The following CASS4 variants were observed in gnomAD, a reference collection of about 807,000 sequenced individuals.
CASS4 encodes cas scaffolding protein family member 4.
A neutral mutation model predicts 54.2 loss-of-function variants in CASS4; 22 were observed. The ratio of observed to expected loss-of-function variants is 0.41; its 90% confidence interval spans 0.29 to 0.58. The LOEUF (loss-of-function observed/expected upper bound fraction) is 0.58. Ranked by LOEUF, CASS4 falls within the 20% of genes least tolerant of loss-of-function variation. The pLI is 0.36. For synonymous variants in CASS4, 409 were observed against 391.5 expected (o/e 1.04, Z -0.53); for missense variants, 854 against 986.7 (o/e 0.87, Z 1.80).
chr20:56,450,525 A>C lies in CASS4; in HGVS notation c.562-74A>C, dbSNP rs1980945139. On this transcript the variant is annotated intron_variant, in intron 3 of 5. Transcript: ENST00000679887. The stretch of plus-strand genomic sequence containing the variant: ...TCTTCCTTTGGAAAAAAACACTGGA[A>C]TAGGGAGTGTTCGTGATGTGTAGCC... 3.7e-6 allele frequency: 5 copies of C among 1,335,132 alleles called. No individual in the cohort carries two copies. The Admixed American group carries it at 9.1e-5, about 24-fold the overall frequency. The allele number at this position is 1,335,132 out of a possible 1,614,324, so 82.7% of individuals were successfully genotyped here. A position where few individuals can be genotyped will look rare whatever the true frequency, so the allele number is the denominator to read the frequency against.
intron 1 of CASS4, among the ~76,000 whole-genome samples, chr20:56,429,948 A>T (rs983142643): frequency 6.6e-6 from 1 of 152,130 alleles, no homozygotes; most frequent in African/African-American, 2.4e-5. Context: ...AAGAGATGGA[A>T]ACCCTGTATT....
intron 2 of CASS4, 152 bp from the exon 3 acceptor site, chr20:56,445,748 T>G: frequency 1.7e-6 from 1 of 579,318 alleles, no homozygotes; most frequent in Non-Finnish European, 3.1e-6. Flanking sequence ...CCTGCTGTCT[T>G]GAGAGTGAAG....
At chr20:56,432,401 T>C (rs1192150208) in intron 1 of CASS4, among the ~76,000 whole-genome samples, 1 of 134,240 alleles carries the variant, frequency 7.4e-6, no homozygotes, top group Non-Finnish European at 1.6e-5. Flanking sequence ...AGGGTCTCAC[T>C]TCCTCACCCA....
intron 4 of CASS4, among the ~76,000 whole-genome samples, chr20:56,451,468 G>A (rs1453309047): frequency 6.6e-6 from 1 of 150,772 alleles, no homozygotes; most frequent in Admixed American, 6.6e-5. Flanking sequence ...CGTGTCAGGG[G>A]GATGCATAGG....
rs1223812780 is a variant in CASS4, at chr20:56,453,176, C to T, written c.1953+47C>T. ...ATCGAAAAAGGGGCTTCAATTGTTA[C>T]CTGGAGTAGTGGCTACTAAGATGCT... On this transcript the variant is annotated intron_variant, in intron 5 of 5. Coordinates refer to ENST00000679887, the MANE Select transcript of CASS4 (RefSeq NM_020356.4). 4.3e-6 allele frequency: 6 copies of T among 1,394,168 alleles called. No homozygotes were observed. In the Admixed American group the frequency reaches 1.1e-4, roughly 26 times the overall value. The allele number at this position is 1,394,168 out of a possible 1,614,324, so 86.4% of individuals were successfully genotyped here. A position where few individuals can be genotyped will look rare whatever the true frequency, so the allele number is the denominator to read the frequency against.
chr20:56,420,509 C>A (rs926956257), intron 1 of CASS4, among the ~76,000 whole-genome samples: 1 of 152,004 alleles, frequency 6.6e-6, no homozygotes, highest in Non-Finnish European at 1.5e-5. Context: ...CTGCCTCAGC[C>A]TCCCAAGTAG....
chr20:56,418,565 TGGAGACTTCAG>T (rs1433510890), intron 1 of CASS4, among the ~76,000 whole-genome samples: 2 of 152,360 alleles, frequency 1.3e-5, no homozygotes, highest in African/African-American at 4.8e-5. Context: ...CTGGTAAACG[TGGAGACTTCAG>T]TGTAGGTGGC....
At chr20:56,422,102 A>C (rs903391880) in intron 1 of CASS4, among the ~76,000 whole-genome samples, 4 of 152,218 alleles carry the variant, frequency 2.6e-5, no homozygotes, top group Non-Finnish European at 5.9e-5. Context: ...AGCAAGGGTG[A>C]AATTGTCAGC....
chr20:56,449,230 C>T (rs1197799815), intron 3 of CASS4, among the ~76,000 whole-genome samples: 1 of 152,162 alleles, frequency 6.6e-6, no homozygotes, highest in Non-Finnish European at 1.5e-5. Flanking sequence ...CAGTGATAGA[C>T]TGGATTAAGA....
Position 56,452,319 on chromosome 20 carries a change from C to T in CASS4, c.1143C>T (p.Ser381=). ...CAGAGAATTCCGCGGGCCATAATTC[C>T]TCATGGTTCTCCAGACGGACAACTT... is the stretch of plus-strand genomic sequence containing the variant. ...EVSENSAGHN[S]SWFSRRTTSP... is the part of the protein sequence containing the mutation. The change falls in exon 5 of 6, where the codon TCC becomes TCT. Residue 381 remains serine (S), a synonymous_variant. Transcript: ENST00000679887. 4 of 1,613,894 alleles carry T rather than the reference C, an allele frequency of 2.5e-6. No individual in the cohort carries two copies. The highest frequency in any genetic ancestry group is 3.4e-6 in the Non-Finnish European group (4 of 1,180,036).
intron 1 of CASS4, among the ~76,000 whole-genome samples, chr20:56,427,602 A>G (rs1979706765): frequency 6.6e-6 from 1 of 152,240 alleles, no homozygotes; most frequent in African/African-American, 2.4e-5. Flanking sequence ...GTCTGGGCAC[A>G]GCTACCTCAT....
intron 2 of CASS4, among the ~76,000 whole-genome samples, chr20:56,439,584 GA>G (rs1323295113): frequency 4.6e-5 from 7 of 152,044 alleles, no homozygotes; most frequent in Admixed American, 2.0e-4. Flanking sequence ...GCTGTGGAAG[GA>G]GGACCCTTTG....
Position 56,460,211 on chromosome 20 carries a change from G to A in CASS4, c.*1464G>A, listed in dbSNP as rs1225094828. ...ATTTATTTCATACATTATAGATTCTGGGTTGATAAATTCTGCTCAATTTGA... is the reference window on the plus strand; with the variant it reads ...ATTTATTTCATACATTATAGATTCTAGGTTGATAAATTCTGCTCAATTTGA... On this transcript the variant is annotated 3_prime_UTR_variant, in exon 6 of 6. Transcript: ENST00000679887. 6.6e-6 allele frequency: 1 copy of A among 152,290 alleles called. No individual in the cohort carries two copies. The highest frequency in any genetic ancestry group is 2.4e-5 in the African/African-American group (1 of 41,330). 9.4% of individuals were successfully genotyped at this position (152,290 alleles called of 1,614,324 possible). A position where few individuals can be genotyped will look rare whatever the true frequency, so the allele number is the denominator to read the frequency against.
At position 56,458,352 on chromosome 20, in the gene CASS4, C is replaced by T. The variant is rs141340009; in HGVS notation, c.1966C>T (p.Leu656Phe). The part of the protein sequence containing the change: ...ANICGQNPGP[L>F]IPQPSSQQTP... ...TTCCCTTCTTTAGAATCCTGGCCCTCTTATACCTCAGCCTTCGAGTCAACA... is the reference window on the plus strand; with the variant it reads ...TTCCCTTCTTTAGAATCCTGGCCCTTTTATACCTCAGCCTTCGAGTCAACA... The change falls in exon 6 of 6, where the codon CTT becomes TTT. Residue 656 changes from leucine (L) to phenylalanine (F), a missense_variant. By Grantham distance (22) the Leu-to-Phe change is conservative. Transcript: ENST00000679887. 11 of 1,611,560 alleles carry T rather than the reference C, an allele frequency of 6.8e-6. No homozygotes were observed. In the African/African-American group the frequency reaches 8.0e-5, roughly 12 times the overall value.
intron 1 of CASS4, among the ~76,000 whole-genome samples, chr20:56,432,355 CTTTTTTTTTTTTTTTTT>C (rs922336949): frequency 4.0e-5 from 4 of 101,064 alleles, no homozygotes; most frequent in African/African-American, 1.6e-4. Context: ...TTCATAAGTC[CTTTTTTTTTTTTTTTTT>C]TTTTTTTTTT....
rs376949340 is a variant in CASS4, at chr20:56,452,355, T to C, written c.1179T>C (p.Pro393=). 1 of 1,613,990 alleles carries C rather than the reference T, an allele frequency of 6.2e-7. No individual in the cohort carries two copies. The highest frequency in any genetic ancestry group is 8.5e-7 in the Non-Finnish European group (1 of 1,180,042). The change falls in exon 5 of 6, where the codon CCT becomes CCC. Residue 393 remains proline (P), a synonymous_variant. Coordinates refer to ENST00000679887, the MANE Select transcript of CASS4 (RefSeq NM_020356.4). ...CCAGACGGACAACTTCCCCATCTCC[T>C]GAACCGGACAGATTATCAGGTTCCA... ...WFSRRTTSPS[P]EPDRLSGSSS...
intron 1 of CASS4, among the ~76,000 whole-genome samples, chr20:56,419,619 T>G (rs965624076): frequency 6.6e-6 from 1 of 151,606 alleles, no homozygotes; most frequent in South Asian, 2.1e-4. Flanking sequence ...TAGAGGTGGG[T>G]TTTTTTTCAC....
At chr20:56,422,510 T>C (rs1979458218) in intron 1 of CASS4, among the ~76,000 whole-genome samples, 1 of 152,238 alleles carries the variant, frequency 6.6e-6, no homozygotes, top group South Asian at 2.1e-4. Context: ...TTAAAGCATG[T>C]CGATCTGGGT....
rs11476843 is a variant in CASS4 at position 56,442,665 on chromosome 20, T to TA, written c.460-3225dup. ...CTTAATATAATGTGCTGGCCTAATT[T>TA]AAAAAAAAAACCCACCACATCAAGA... On this transcript the variant is annotated intron_variant, in intron 2 of 5. Coordinates refer to ENST00000679887, the MANE Select transcript of CASS4 (RefSeq NM_020356.4). Among the ~76,000 whole-genome samples the TA allele has an allele frequency of 1.3e-4, 20 of 149,460 alleles. No homozygotes were observed. In the East Asian group the frequency reaches 2.3e-3, roughly 18 times the overall value.
Sources: gnomAD v4.1 joint callset for allele counts (sites outside exome capture counted in the v4.1 genomes callset) on GRCh38, gnomAD v4.1.1 for gene constraint, MANE v1.5 for transcripts, NCBI Gene and HGNC (gene_info 2026-07-23, HGNC 2026-07-21) for gene names.